The following MGAT4A variants were observed in gnomAD, a reference collection of about 807,000 sequenced individuals.
The protein encoded by MGAT4A is N-acetylglucosaminyltransferase IVa.
A neutral mutation model predicts 74.1 loss-of-function variants in MGAT4A; 33 were observed. That is an observed-to-expected ratio of 0.45 (90% CI 0.34 to 0.60). The LOEUF is 0.60. MGAT4A is among the 20% of genes least tolerant of loss of function. MGAT4A has a pLI of 0.02. For synonymous variants in MGAT4A, 198 were observed against 210.4 expected (o/e 0.94, Z 0.51); for missense variants, 479 against 628.3 (o/e 0.76, Z 2.54).
At chr2:98,629,409 C>A (rs917666878) in intron 14 of MGAT4A, among the ~76,000 whole-genome samples, 2 of 152,162 alleles carry the variant, frequency 1.3e-5, no homozygotes, top group Non-Finnish European at 2.9e-5. Flanking sequence ...ACTTGGGTAG[C>A]AGGTAGGTGC....
intron 4 of MGAT4A, 113 bp downstream of exon 4, chr2:98,674,922 T>C: frequency 9.2e-7 from 1 of 1,089,618 alleles, no homozygotes; most frequent in Non-Finnish European, 1.3e-6. Flanking sequence ...TGTGCACAGA[T>C]AAAGAAAGAA....
chr2:98,706,416 C>T (rs947767396), intron 2 of MGAT4A, among the ~76,000 whole-genome samples: 25 of 151,936 alleles, frequency 1.6e-4, no homozygotes, highest in African/African-American at 4.3e-4. Flanking sequence ...CTGCAACCTC[C>T]GCCTCCAGAT....
Position 98,663,055 on chromosome 2 carries a change from G to C in MGAT4A, c.528C>G (p.Phe176Leu). The C allele has an allele frequency of 6.5e-7, 1 of 1,533,118 alleles. No individual in the cohort carries two copies. Among genetic ancestry groups the C allele is most frequent in the Non-Finnish European group, 8.8e-7 (1 of 1,134,234 alleles). 95.0% of individuals were successfully genotyped at this position (1,533,118 alleles called of 1,614,324 possible). Residue 176 changes from phenylalanine to leucine, a missense_variant, in exon 5 of 16, where the codon TTC becomes TTG. This residue lies in a region of MGAT4A where 205 missense variants were observed against 232.7 expected (regional missense o/e 0.88). Transcript: ENST00000393487. The part of the protein sequence containing the change: ...EEKLDCVIVV[F>L]IGETDIDYVH... Reference sequence around the variant, plus strand: ...ACAATTAAATAATTACCTCTCCTATGAAGACTACTATAACACAGTCCAACT... The same window carrying C: ...ACAATTAAATAATTACCTCTCCTATCAAGACTACTATAACACAGTCCAACT...
At chr2:98,693,578 G>A (rs1233344496) in intron 2 of MGAT4A, among the ~76,000 whole-genome samples, 1 of 151,834 alleles carries the variant, frequency 6.6e-6, no homozygotes, top group South Asian at 2.1e-4. Flanking sequence ...GTGGTTGCAC[G>A]CATCTGTGGT....
chr2:98,706,057 T>C (rs1473016709), intron 2 of MGAT4A, among the ~76,000 whole-genome samples: 2 of 151,802 alleles, frequency 1.3e-5, no homozygotes, highest in African/African-American at 4.8e-5. Flanking sequence ...ATGCAGACGC[T>C]GAACCGATTG....
At chr2:98,658,535 T>C (rs1575254973) in intron 5 of MGAT4A, among the ~76,000 whole-genome samples, 1 of 152,266 alleles carries the variant, frequency 6.6e-6, no homozygotes, top group Middle Eastern at 3.4e-3. Flanking sequence ...ACTACTTCTA[T>C]CAAAACATCC....
chr2:98,649,489 A>G (rs1701545922), intron 8 of MGAT4A, among the ~76,000 whole-genome samples: 1 of 152,190 alleles, frequency 6.6e-6, no homozygotes, highest in Non-Finnish European at 1.5e-5. Flanking sequence ...TTTCGAGTGC[A>G]GCCAGAGGGA....
intron 13 of MGAT4A, among the ~76,000 whole-genome samples, 188 bp downstream of exon 13, chr2:98,636,329 T>C (rs545892387): frequency 6.6e-6 from 1 of 152,256 alleles, no homozygotes; most frequent in East Asian, 1.9e-4. Flanking sequence ...GAAGGCTCTT[T>C]CTATGAATGG....
intron 1 of MGAT4A, among the ~76,000 whole-genome samples, chr2:98,729,025 C>T (rs1702805568): frequency 6.6e-6 from 1 of 151,958 alleles, no homozygotes; most frequent in Admixed American, 6.6e-5. Context: ...GGAGGTAGAG[C>T]GCACATCATA....
At chr2:98,646,198 G>A (rs1000887636) in intron 8 of MGAT4A, among the ~76,000 whole-genome samples, 7 of 151,718 alleles carry the variant, frequency 4.6e-5, no homozygotes, top group East Asian at 1.9e-4. Flanking sequence ...CAATACAAAC[G>A]TGTGATTTTT....
intron 4 of MGAT4A, among the ~76,000 whole-genome samples, chr2:98,665,924 A>T (rs1701822933): frequency 6.6e-6 from 1 of 152,276 alleles, no homozygotes; most frequent in South Asian, 2.1e-4. Flanking sequence ...AAGCAGAATA[A>T]GCCCAGATTG....
intron 5 of MGAT4A, among the ~76,000 whole-genome samples, chr2:98,662,840 AC>A (rs1360805154): frequency 6.6e-6 from 1 of 152,236 alleles, no homozygotes; most frequent in Non-Finnish European, 1.5e-5. Context: ...CATCCTATTG[AC>A]AACAAATATT....
intron 2 of MGAT4A, among the ~76,000 whole-genome samples, chr2:98,706,291 TCA>T (rs1436547300): frequency 6.6e-6 from 1 of 152,168 alleles, no homozygotes. Context: ...AAAAGTGGCT[TCA>T]GAGTGACATC....
intron 2 of MGAT4A, among the ~76,000 whole-genome samples, chr2:98,682,149 G>T (rs1702068324): frequency 6.6e-6 from 1 of 152,184 alleles, no homozygotes. Flanking sequence ...TGGGCCAGGT[G>T]CGGTGGCTCA....
At position 98,722,834 on chromosome 2, in the gene MGAT4A, T is replaced by G. The variant is rs576272306; in HGVS notation, c.94+3405A>C. ...ACTGCAAAAATAATACCAGTCTCTGTCCCCATGGACAGGGACCCGTGACTG... is the reference window on the plus strand; with the variant it reads ...ACTGCAAAAATAATACCAGTCTCTGGCCCCATGGACAGGGACCCGTGACTG... On this transcript the variant is annotated intron_variant, in intron 2 of 15. Coordinates refer to ENST00000393487, the MANE Select transcript of MGAT4A (RefSeq NM_012214.3). 6.6e-5 allele frequency among the ~76,000 whole-genome samples: 10 copies of G among 152,214 alleles called. No individual in the cohort carries two copies. The East Asian group carries it at 1.9e-3, about 29-fold the overall frequency.
intron 2 of MGAT4A, among the ~76,000 whole-genome samples, chr2:98,721,596 GC>G (rs1369307288): frequency 6.6e-6 from 1 of 151,946 alleles, no homozygotes; most frequent in Non-Finnish European, 1.5e-5. Flanking sequence ...TGTTTGGTTT[GC>G]AACATTAACA....
intron 2 of MGAT4A, among the ~76,000 whole-genome samples, chr2:98,707,042 T>C (rs1702449140): frequency 6.6e-6 from 1 of 151,984 alleles, no homozygotes; most frequent in Non-Finnish European, 1.5e-5. Context: ...ATGGTAAAAC[T>C]CCATCTCTAC....
intron 2 of MGAT4A, among the ~76,000 whole-genome samples, chr2:98,680,038 G>T (rs967340407): frequency 8.0e-6 from 1 of 125,092 alleles, no homozygotes. Context: ...ACCTTAGAAA[G>T]GCTTTTTTTT....
At chr2:98,631,246 G>A (rs1315281546) in intron 14 of MGAT4A, among the ~76,000 whole-genome samples, 1 of 152,210 alleles carries the variant, frequency 6.6e-6, no homozygotes, top group Non-Finnish European at 1.5e-5. Flanking sequence ...TCTTGCCAAT[G>A]CCTTCACGCG....
Sources: gnomAD v4.1 joint callset for allele counts (sites outside exome capture counted in the v4.1 genomes callset) on GRCh38, gnomAD v4.1.1 for gene constraint, gnomAD v4.1.1 regional missense constraint, MANE v1.5 for transcripts, NCBI Gene and HGNC (gene_info 2026-07-23, HGNC 2026-07-21) for gene names.